The following STK3 variants were observed in gnomAD, a reference collection of about 807,000 sequenced individuals.
STK3 encodes serine/threonine kinase 3.
In STK3, 41 loss-of-function variants were observed where a neutral mutation model predicts 58.0. The ratio of observed to expected loss-of-function variants is 0.71; its 90% CI spans 0.55 to 0.92. The LOEUF (loss-of-function observed/expected upper bound fraction) is 0.92, where lower values mean the gene tolerates loss of function less well. Among genes scored for constraint, STK3 ranks in the 40% least tolerant of loss-of-function variants. STK3 has a pLI of 0.00. For missense variants in STK3, 479 were observed against 602.7 expected (o/e 0.79, Z 2.15); for synonymous variants, 170 against 191.0 (o/e 0.89, Z 0.91).
At chr8:98,712,221 CA>C (rs1826526075) in intron 4 of STK3, among the ~76,000 whole-genome samples, 1 of 152,184 alleles carries the variant, frequency 6.6e-6, no homozygotes, top group African/African-American at 2.4e-5. Context: ...GAAACTGTAT[CA>C]ACTAACGAGC....
intron 1 of STK3, among the ~76,000 whole-genome samples, chr8:98,439,640 G>A (rs1037838827): frequency 6.6e-6 from 1 of 152,138 alleles, no homozygotes; most frequent in Admixed American, 6.5e-5. Flanking sequence ...TCAGAGCAGT[G>A]GTCAACACAT....
At chr8:98,691,655 G>A (rs113844691) in intron 6 of STK3, among the ~76,000 whole-genome samples, 5,470 of 152,150 alleles carry the variant, frequency 0.036, 117 homozygotes, top group East Asian at 0.063. Context: ...AAGCAGCACC[G>A]GGCGCAGTGG....
intron 10 of STK3, among the ~76,000 whole-genome samples, chr8:98,516,304 C>A (rs932680843): frequency 2.6e-4 from 40 of 152,128 alleles, no homozygotes; most frequent in African/African-American, 9.6e-4. Flanking sequence ...TATGGAAAGA[C>A]ACCACAGGTT....
At chr8:98,901,174 C>T (rs1425706687) in intron 1 of STK3, among the ~76,000 whole-genome samples, 1 of 152,202 alleles carries the variant, frequency 6.6e-6, no homozygotes, top group East Asian at 1.9e-4. Flanking sequence ...CTTATCACCA[C>T]ATGACTTTAG....
intron 1 of STK3, among the ~76,000 whole-genome samples, chr8:98,443,354 A>C (rs1349780484): frequency 6.6e-6 from 1 of 152,200 alleles, no homozygotes; most frequent in Non-Finnish European, 1.5e-5. Flanking sequence ...GATAACAGGT[A>C]TGATTTTGTG....
chr8:98,587,791 G>A (rs1325660560), intron 7 of STK3, among the ~76,000 whole-genome samples: 8 of 152,182 alleles, frequency 5.3e-5, no homozygotes, highest in Non-Finnish European at 8.8e-5. Context: ...CCTGTGTTGG[G>A]TGCATATATA....
chr8:98,393,403 G>C (rs1273335676), intron 3 of STK3, among the ~76,000 whole-genome samples: 1 of 152,074 alleles, frequency 6.6e-6, no homozygotes, highest in Admixed American at 6.6e-5. Flanking sequence ...ACTCCTTCTT[G>C]TGTCCATACC....
chr8:98,656,661 T>C (rs1821558817), intron 6 of STK3, among the ~76,000 whole-genome samples: 1 of 152,148 alleles, frequency 6.6e-6, no homozygotes, highest in African/African-American at 2.4e-5. Flanking sequence ...TAAAGGCTAT[T>C]AATTAGTGCG....
At chr8:98,842,381 T>C (rs866664897) in intron 3 of STK3, among the ~76,000 whole-genome samples, 1 of 152,050 alleles carries the variant, frequency 6.6e-6, no homozygotes, top group Non-Finnish European at 1.5e-5. Flanking sequence ...TGGCAAAACA[T>C]GGAATAAAAC....
At chr8:98,568,643 G>A (rs1173718732) in intron 8 of STK3, among the ~76,000 whole-genome samples, 1 of 152,032 alleles carries the variant, frequency 6.6e-6, no homozygotes, top group Non-Finnish European at 1.5e-5. Context: ...AAGGCAGGGA[G>A]CAAAAGATAA....
At chr8:98,785,931 A>G (rs1339428489) in intron 1 of STK3, among the ~76,000 whole-genome samples, 1 of 152,222 alleles carries the variant, frequency 6.6e-6, no homozygotes, top group East Asian at 1.9e-4. Flanking sequence ...GATGGGAAGA[A>G]ACCAGTACAA....
At chr8:98,577,710 A>C (rs374428314) in intron 8 of STK3, among the ~76,000 whole-genome samples, 182 of 152,294 alleles carry the variant, frequency 1.2e-3, no homozygotes, top group African/African-American at 4.1e-3. Flanking sequence ...TTGCAATCTC[A>C]TAAGAAACCC....
At chr8:98,696,331 A>C (rs889054653) in intron 6 of STK3, among the ~76,000 whole-genome samples, 1 of 151,712 alleles carries the variant, frequency 6.6e-6, no homozygotes, top group Admixed American at 6.6e-5. Context: ...CTCTTTTCCT[A>C]ATTGAATACC....
At chr8:98,500,185 A>G (rs1321534807) in intron 10 of STK3, among the ~76,000 whole-genome samples, 1 of 151,944 alleles carries the variant, frequency 6.6e-6, no homozygotes, top group African/African-American at 2.4e-5. Context: ...AAAAAAAAAG[A>G]AAACAAAAAG....
chr8:98,468,637 G>A (rs1175201086), intron 10 of STK3, among the ~76,000 whole-genome samples: 2 of 152,206 alleles, frequency 1.3e-5, no homozygotes, highest in African/African-American at 4.8e-5. Flanking sequence ...GGTAGAGAAT[G>A]AGAATAAATG....
At chr8:98,650,127 A>T (rs572194437) in intron 6 of STK3, among the ~76,000 whole-genome samples, 5 of 152,310 alleles carry the variant, frequency 3.3e-5, no homozygotes, top group Non-Finnish European at 5.9e-5. Context: ...TTTTACTGGT[A>T]CCTTTTGGAT....
Position 98,645,453 on chromosome 8 carries a change from A to G in STK3, c.685-49284T>C, listed in dbSNP as rs114281197. 8.4e-3 allele frequency among the ~76,000 whole-genome samples: 1,282 copies of G among 152,356 alleles called. 10 individuals are homozygous for G. Among genetic ancestry groups the G allele is most frequent in the African/African-American group, 0.029 (1,206 of 41,584 alleles). On this transcript the variant is annotated intron_variant, in intron 6 of 10. Transcript: ENST00000419617. ...TGTGGAGTTAATAAGGTTTTAAAGT[A>G]TATAAAGTTGCTATAGGCTAAACGG...
At chr8:98,771,303 C>T (rs1446359561) in intron 2 of STK3, among the ~76,000 whole-genome samples, 1 of 152,188 alleles carries the variant, frequency 6.6e-6, no homozygotes, top group Non-Finnish European at 1.5e-5. Flanking sequence ...TAAAAGGTCA[C>T]TGTACAGACA....
At chr8:98,603,796 A>G (rs1174112765) in intron 6 of STK3, among the ~76,000 whole-genome samples, 1 of 151,996 alleles carries the variant, frequency 6.6e-6, no homozygotes, top group Non-Finnish European at 1.5e-5. Flanking sequence ...GGAAAGGAAG[A>G]AGGGAAGGGA....
Sources: allele counts gnomAD v4.1 joint callset (sites outside exome capture counted in the v4.1 genomes callset), GRCh38; gene constraint gnomAD v4.1.1; transcripts MANE v1.5; gene names NCBI Gene and HGNC (gene_info 2026-07-23, HGNC 2026-07-21).